Variants in RBFOX1 observed in about 807,000 individuals in gnomAD.
RBFOX1 encodes RNA binding fox-1 homolog 1, also known as RNA binding protein fox-1 homolog 1.
A neutral mutation model predicts 57.7 loss-of-function variants in RBFOX1; 8 were observed. The ratio of observed to expected loss-of-function variants is 0.14; its 90% confidence interval spans 0.08 to 0.25. The LOEUF (loss-of-function observed/expected upper bound fraction) is 0.25. RBFOX1 is among the 10% of genes least tolerant of loss of function. RBFOX1 has a pLI of 1.00. For missense variants in RBFOX1, 611 were observed against 548.5 expected (o/e 1.11, Z -1.14); for synonymous variants, 326 against 222.4 (o/e 1.47, Z -4.15).
chr16:5,843,459 C>T (rs1352850272), intron 3 of RBFOX1, among the ~76,000 whole-genome samples: 1 of 152,190 alleles, frequency 6.6e-6, no homozygotes, highest in African/African-American at 2.4e-5. Flanking sequence ...CAACAAAGGA[C>T]ATGATCTCGT....
chr16:6,472,555 G>C (rs2095200988), intron 2 of RBFOX1, among the ~76,000 whole-genome samples: 1 of 152,064 alleles, frequency 6.6e-6, no homozygotes, highest in African/African-American at 2.4e-5. Context: ...GAAAGTGTGA[G>C]TCATCATCTC....
chr16:7,401,578 C>G (rs1319385151), intron 4 of RBFOX1, among the ~76,000 whole-genome samples: 1 of 152,112 alleles, frequency 6.6e-6, no homozygotes, highest in Non-Finnish European at 1.5e-5. Context: ...AAATTTTTCC[C>G]TATGTTGTTT....
intron 2 of RBFOX1, among the ~76,000 whole-genome samples, chr16:5,563,064 T>G (rs1055658950): frequency 2.0e-5 from 3 of 152,132 alleles, no homozygotes; most frequent in Non-Finnish European, 4.4e-5. Context: ...ATTGTTCTGC[T>G]TCAGCCTCCT....
At chr16:6,166,416 G>A (rs1010499932) in intron 1 of RBFOX1, among the ~76,000 whole-genome samples, 2 of 144,710 alleles carry the variant, frequency 1.4e-5, no homozygotes, top group Non-Finnish European at 1.5e-5. Flanking sequence ...GGTTGGGGGG[G>A]AATGAAAATA....
At chr16:6,031,164 G>A (rs980274947) in intron 1 of RBFOX1, among the ~76,000 whole-genome samples, 1 of 152,148 alleles carries the variant, frequency 6.6e-6, no homozygotes, top group Non-Finnish European at 1.5e-5. Flanking sequence ...TTTAAGCTAC[G>A]GCCTGAAGAC....
chr16:5,904,620 A>T (rs149277978), intron 4 of RBFOX1, among the ~76,000 whole-genome samples: 265 of 152,086 alleles, frequency 1.7e-3, no homozygotes, highest in African/African-American at 5.2e-3. Flanking sequence ...AAAGACTTCT[A>T]TGTTGAGGTC....
chr16:5,691,995 A>C (rs778265420), intron 3 of RBFOX1, among the ~76,000 whole-genome samples: 4 of 145,208 alleles, frequency 2.8e-5, no homozygotes, highest in East Asian at 2.1e-4. Flanking sequence ...TCTGCTAAGA[A>C]TGTGCACATT....
chr16:7,287,701 G>T (rs943785429), intron 4 of RBFOX1, among the ~76,000 whole-genome samples: 6 of 152,138 alleles, frequency 3.9e-5, no homozygotes, highest in African/African-American at 1.4e-4. Context: ...CCACATTTGG[G>T]TGTTTCCTCA....
intron 2 of RBFOX1, among the ~76,000 whole-genome samples, chr16:6,516,696 G>C (rs1304708210): frequency 6.6e-6 from 1 of 152,136 alleles, no homozygotes; most frequent in African/African-American, 2.4e-5. Context: ...ATTATTCGTG[G>C]TGCTAGTTGC....
chr16:7,310,822 T>A (rs2096289484), intron 4 of RBFOX1, among the ~76,000 whole-genome samples: 1 of 152,196 alleles, frequency 6.6e-6, no homozygotes, highest in African/African-American at 2.4e-5. Flanking sequence ...CTGATAGGTT[T>A]ATGGAACTCC....
chr16:6,346,868 T>G (rs1024826264), intron 2 of RBFOX1, among the ~76,000 whole-genome samples: 2 of 152,138 alleles, frequency 1.3e-5, no homozygotes, highest in African/African-American at 4.8e-5. Flanking sequence ...AGTTTTCTGT[T>G]TAACTGAATT....
At chr16:6,398,571 A>T (rs1319867798) in intron 2 of RBFOX1, among the ~76,000 whole-genome samples, 2 of 152,300 alleles carry the variant, frequency 1.3e-5, no homozygotes, top group South Asian at 2.1e-4. Context: ...TACAGGTCCC[A>T]TGTGAGTCCA....
intron 4 of RBFOX1, among the ~76,000 whole-genome samples, chr16:5,943,805 C>G (rs529686555): frequency 6.6e-6 from 1 of 152,228 alleles, no homozygotes; most frequent in South Asian, 2.1e-4. Flanking sequence ...ATCTATTCAC[C>G]CACCTACCCA....
At chr16:5,643,621 G>T (rs557307184) in intron 3 of RBFOX1, among the ~76,000 whole-genome samples, 4 of 152,302 alleles carry the variant, frequency 2.6e-5, no homozygotes, top group African/African-American at 9.6e-5. Flanking sequence ...TAGGTACAGA[G>T]TCTTCCTGCA....
intron 10 of RBFOX1, among the ~76,000 whole-genome samples, chr16:7,610,063 TC>T (rs1421955988): frequency 6.9e-6 from 1 of 144,868 alleles, no homozygotes; most frequent in Non-Finnish European, 1.5e-5. Flanking sequence ...TGATCCGCCC[TC>T]CTCGGCCTCC....
At chr16:5,910,119 C>G (rs1470820193) in intron 4 of RBFOX1, among the ~76,000 whole-genome samples, 4 of 151,948 alleles carry the variant, frequency 2.6e-5, no homozygotes, top group Non-Finnish European at 4.4e-5. Context: ...TAATCCTCCA[C>G]CAACCTGCTC....
intron 4 of RBFOX1, among the ~76,000 whole-genome samples, chr16:7,497,895 G>T (rs2069221827): frequency 1.3e-5 from 2 of 152,194 alleles, no homozygotes; most frequent in South Asian, 4.1e-4. Context: ...TAGGCTATTT[G>T]TAGAGAGTTT....
intron 2 of RBFOX1, among the ~76,000 whole-genome samples, chr16:5,566,098 C>A (rs1167864818): frequency 6.6e-6 from 1 of 152,120 alleles, no homozygotes; most frequent in Non-Finnish European, 1.5e-5. Context: ...GCCTCCCCAG[C>A]CATGTGGAAC....
intron 15 of RBFOX1, 119 bp from the exon 16 acceptor site, chr16:7,710,504 G>C (rs201808714): frequency 1.3e-6 from 2 of 1,567,910 alleles, no homozygotes; most frequent in Non-Finnish European, 1.7e-6. Flanking sequence ...GGGATGGGTA[G>C]GGGGTGCCTC....
Sources: gnomAD v4.1 joint callset for allele counts (sites outside exome capture counted in the v4.1 genomes callset) on GRCh38, gnomAD v4.1.1 for gene constraint, MANE v1.5 for transcripts, NCBI Gene and HGNC (gene_info 2026-07-23, HGNC 2026-07-21) for gene names.